The following TVP23A variants were observed in gnomAD, a reference collection of about 807,000 sequenced individuals.
The protein encoded by TVP23A is Golgi apparatus membrane protein TVP23 homolog A.
A neutral mutation model predicts 31.7 loss-of-function variants in TVP23A; 21 were observed. That is an observed-to-expected ratio of 0.66 (90% CI 0.47 to 0.95). The LOEUF (loss-of-function observed/expected upper bound fraction) is 0.95, where lower values mean the gene tolerates loss of function less well. TVP23A is among the 40% of genes least tolerant of loss of function. The probability of loss-of-function intolerance (pLI) is 0.00; values close to 1 mark genes in which losing one functional copy is unlikely to be tolerated. For synonymous variants in TVP23A, 104 were observed against 96.0 expected, an observed-to-expected ratio of 1.08 and a Z score of -0.49; for missense variants, 279 against 255.6, an observed-to-expected ratio of 1.09 and a Z score of -0.62.
At chr16:10,809,214 T>C (rs895979381) in intron 2 of TVP23A, among the ~76,000 whole-genome samples, 2 of 152,188 alleles carry the variant, frequency 1.3e-5, no homozygotes, top group African/African-American at 4.8e-5. Flanking sequence ...ATCAACCCCA[T>C]TTTACAGAAA....
At chr16:10,772,854 C>T (rs2031729618) in intron 5 of TVP23A, among the ~76,000 whole-genome samples, 1 of 152,132 alleles carries the variant, frequency 6.6e-6, no homozygotes, top group Non-Finnish European at 1.5e-5. Flanking sequence ...TCTGTGACTG[C>T]ACTAGAAGCC....
intron 2 of TVP23A, among the ~76,000 whole-genome samples, chr16:10,799,689 G>A (rs2033596869): frequency 6.6e-6 from 1 of 152,178 alleles, no homozygotes; most frequent in African/African-American, 2.4e-5. Context: ...TGGTTTCAAG[G>A]GGCAGGAAAG....
intron 2 of TVP23A, among the ~76,000 whole-genome samples, chr16:10,815,597 G>A (rs1203293960): frequency 6.6e-6 from 1 of 152,190 alleles, no homozygotes; most frequent in African/African-American, 2.4e-5. Context: ...GGCCAGGAAT[G>A]CTGCTAAACA....
At chr16:10,799,925 C>G (rs527512952) in intron 2 of TVP23A, among the ~76,000 whole-genome samples, 162 of 150,964 alleles carry the variant, frequency 1.1e-3, no homozygotes, top group African/African-American at 3.8e-3. Flanking sequence ...AGCCAGATGG[C>G]ATGAAAAGAG....
At chr16:10,760,136 C>A (rs1026842067), downstream of TVP23A, among the ~76,000 whole-genome samples, 1 of 152,226 alleles carries the variant, frequency 6.6e-6, no homozygotes, top group Non-Finnish European at 1.5e-5. Context: ...TCCTTATTTC[C>A]TTTTAGTCAG....
At position 10,799,629 on chromosome 16, in the gene TVP23A, C is replaced by T. The variant is rs538608606; in HGVS notation, c.89+18474G>A. 1.6e-3 allele frequency among the ~76,000 whole-genome samples: 241 copies of T among 152,330 alleles called. 2 individuals are homozygous for T. The highest frequency in any genetic ancestry group is 3.4e-3 in the Middle Eastern group (1 of 294). On this transcript the variant is annotated intron_variant, in intron 2 of 7. Coordinates refer to ENST00000299866, the MANE Select transcript of TVP23A (RefSeq NM_001079512.4). ...AATTATAGGCGTGAGCCTACATGCC[C>T]GGCCTGTTGAAGAATTTTAACTCTG...
At chr16:10,807,695 A>C (rs538740863) in intron 2 of TVP23A, among the ~76,000 whole-genome samples, 1 of 152,298 alleles carries the variant, frequency 6.6e-6, no homozygotes, top group African/African-American at 2.4e-5. Context: ...GAGTGGGGTC[A>C]ATTCTGCATC....
downstream of TVP23A, among the ~76,000 whole-genome samples, chr16:10,764,193 C>T (rs966424818): frequency 1.3e-5 from 2 of 152,252 alleles, no homozygotes; most frequent in African/African-American, 2.4e-5. Context: ...CATCCCAGCC[C>T]GAAGGAGCGT....
intron 2 of TVP23A, among the ~76,000 whole-genome samples, chr16:10,815,170 T>TC (rs797006671): frequency 0.19 from 28,597 of 151,778 alleles, 6,552 homozygotes; most frequent in African/African-American, 0.54. Flanking sequence ...AGTAGGTAGG[T>TC]AGGGAGGCTG....
At chr16:10,808,960 G>C (rs2034070021) in intron 2 of TVP23A, among the ~76,000 whole-genome samples, 1 of 152,174 alleles carries the variant, frequency 6.6e-6, no homozygotes, top group Admixed American at 6.5e-5. Context: ...TGAAAACAGT[G>C]CCTTGAAAGC....
chr16:10,768,035 A>C lies in TVP23A; in HGVS notation c.*1067T>G. On this transcript the variant is annotated 3_prime_UTR_variant, in exon 8 of 8. Coordinates refer to ENST00000299866, the MANE Select transcript of TVP23A (RefSeq NM_001079512.4). The surrounding 1 kb of genome is among the most constrained non-coding windows in gnomAD (Gnocchi z 4.3). The stretch of plus-strand genomic sequence containing the variant: ...AGCCTACAGAAGTATAATTCAGAGT[A>C]AGTATTTCCATGAGTACTAAATGCA... 6.2e-7 allele frequency: 1 copy of C among 1,613,690 alleles called. No homozygotes were observed. The highest frequency in any genetic ancestry group is 8.5e-7 in the Non-Finnish European group (1 of 1,179,702).
intron 2 of TVP23A, among the ~76,000 whole-genome samples, chr16:10,788,369 G>C (rs967319049): frequency 6.6e-6 from 1 of 151,922 alleles, no homozygotes; most frequent in African/African-American, 2.4e-5. Flanking sequence ...CCATCTCCCG[G>C]ATTCAAGCGA....
At chr16:10,761,855 C>T (rs776944395), downstream of TVP23A, 3 of 1,613,054 alleles carry the variant, frequency 1.9e-6, no homozygotes, top group East Asian at 2.2e-5. Context: ...TGGATCCGCT[C>T]ATAGGTGGGT....
chr16:10,796,275 G>C (rs1158260875), intron 2 of TVP23A, among the ~76,000 whole-genome samples: 1 of 152,094 alleles, frequency 6.6e-6, no homozygotes, highest in Non-Finnish European at 1.5e-5. Context: ...AGGAGTTCAA[G>C]GCTGCAGTGA....
intron 2 of TVP23A, among the ~76,000 whole-genome samples, chr16:10,782,632 A>C (rs1279461742): frequency 6.6e-6 from 1 of 152,024 alleles, no homozygotes; most frequent in Non-Finnish European, 1.5e-5. Context: ...CCTTCCAAGT[A>C]GCTGTGAATA....
Position 10,812,014 on chromosome 16 carries a change from A to G in TVP23A, c.89+6089T>C, listed in dbSNP as rs184752321. ...ACAGAATGAAAAGGCAGCCTATAGA[A>G]TAAGAGAAAATATTAATATACAGAA... On this transcript the variant is annotated intron_variant, in intron 2 of 7. Transcript: ENST00000299866. Among the ~76,000 whole-genome samples the G allele has an allele frequency of 8.2e-3, 1,243 of 152,230 alleles. 4 individuals carry two copies. Among genetic ancestry groups the G allele is most frequent in the Non-Finnish European group, 9.7e-3 (663 of 68,022 alleles).
intron 2 of TVP23A, among the ~76,000 whole-genome samples, chr16:10,807,350 C>T (rs546510361): frequency 1.1e-4 from 16 of 152,292 alleles, no homozygotes; most frequent in African/African-American, 3.6e-4. Flanking sequence ...CCCACACCTC[C>T]GGCTTCTCTT....
chr16:10,763,089 C>G (rs1245422897), downstream of TVP23A, among the ~76,000 whole-genome samples: 1 of 152,040 alleles, frequency 6.6e-6, no homozygotes, highest in Non-Finnish European at 1.5e-5. Flanking sequence ...GCTGCCAGTA[C>G]AAGTCACCTG....
intron 5 of TVP23A, among the ~76,000 whole-genome samples, chr16:10,772,212 T>G (rs535093185): frequency 1.2e-4 from 18 of 152,150 alleles, no homozygotes; most frequent in South Asian, 2.1e-4. Flanking sequence ...GCCACCATCA[T>G]CATCCCATTT....
Sources: gnomAD v4.1 joint callset for allele counts (sites outside exome capture counted in the v4.1 genomes callset) on GRCh38, gnomAD v4.1.1 for gene constraint, Gnocchi (gnomAD v3.1) non-coding constraint, MANE v1.5 for transcripts, NCBI Gene and HGNC (gene_info 2026-07-23, HGNC 2026-07-21) for gene names.